Variants in ATF6 observed in about 807,000 individuals in gnomAD.
ATF6 encodes the protein cyclic AMP-dependent transcription factor ATF-6 alpha.
Under a neutral mutation model 83.6 loss-of-function variants are expected in ATF6, and 53 were observed. The ratio of observed to expected loss-of-function variants is 0.63; its 90% CI spans 0.51 to 0.80. The LOEUF (loss-of-function observed/expected upper bound fraction) is 0.80, where lower values mean the gene tolerates loss of function less well. Among genes scored for constraint, ATF6 ranks in the 30% least tolerant of loss-of-function variants. The pLI, the probability that ATF6 is intolerant of heterozygous loss-of-function variation, is 0.00. For synonymous variants in ATF6, 288 were observed against 285.8 expected, an observed-to-expected ratio of 1.01 and a Z score of -0.08; for missense variants, 744 against 797.9, an observed-to-expected ratio of 0.93 and a Z score of 0.81.
At chr1:161,947,911 G>A (rs1688784924) in intron 15 of ATF6, among the ~76,000 whole-genome samples, 1 of 125,014 alleles carries the variant, frequency 8.0e-6, no homozygotes, top group Non-Finnish European at 1.6e-5. Flanking sequence ...TACAACCTCT[G>A]CCTCCCAAGT....
intron 15 of ATF6, among the ~76,000 whole-genome samples, chr1:161,946,930 T>G (rs1210636898): frequency 2.0e-5 from 3 of 152,226 alleles, no homozygotes; most frequent in Non-Finnish European, 2.9e-5. Flanking sequence ...ATTTTATGGT[T>G]AATTCACTGT....
In ATF6 at chr1:161,959,858, C is replaced by T. The variant is rs1251015508; in HGVS notation, c.*1204C>T. ...GACAAAGCTTTCATTTTCATTCATT[C>T]TTCTATTGAAATTATACCAAATTCA... On this transcript the variant is annotated 3_prime_UTR_variant, in exon 16 of 16. Coordinates refer to ENST00000367942, the MANE Select transcript of ATF6 (RefSeq NM_007348.4). 6 of 152,072 alleles carry T rather than the reference C, an allele frequency of 3.9e-5. No homozygotes were observed. The allele number at this position is 152,072 out of a possible 1,614,324, so 9.4% of individuals were successfully genotyped here. A position where few individuals can be genotyped will look rare whatever the true frequency, so the allele number is the denominator to read the frequency against.
chr1:161,802,275 A>G lies in ATF6; in HGVS notation c.909+3A>G, dbSNP rs1443503272. ...CCATGAGAAATGTCGGTTCAGATGT[A>G]AGTTTTGAAACTTAGTGCTTCTCTT... On this transcript the variant is annotated splice_donor_region_variant and intron_variant, in intron 7 of 15. Coordinates refer to ENST00000367942, the MANE Select transcript of ATF6 (RefSeq NM_007348.4). The G allele has an allele frequency of 9.9e-6, 16 of 1,612,874 alleles. No individual in the cohort carries two copies. The highest frequency in any genetic ancestry group is 1.4e-5 in the Non-Finnish European group (16 of 1,179,142).
intron 1 of ATF6, among the ~76,000 whole-genome samples, chr1:161,769,732 A>G (rs1684341387): frequency 6.6e-6 from 1 of 151,980 alleles, no homozygotes; most frequent in Non-Finnish European, 1.5e-5. Context: ...TTAGATCATC[A>G]GGCGTTAGAT....
intron 9 of ATF6, among the ~76,000 whole-genome samples, chr1:161,824,063 C>T (rs540732165): frequency 1.3e-5 from 2 of 152,250 alleles, no homozygotes; most frequent in African/African-American, 2.4e-5. Context: ...AGACTGTATC[C>T]GTTTACATTC....
chr1:161,926,233 G>A (rs1323053180), intron 15 of ATF6, among the ~76,000 whole-genome samples: 1 of 152,188 alleles, frequency 6.6e-6, no homozygotes, highest in Non-Finnish European at 1.5e-5. Context: ...TTTAAAAAAG[G>A]ATTCTTTCTG....
intron 14 of ATF6, among the ~76,000 whole-genome samples, chr1:161,905,840 GT>G (rs534952923): frequency 6.7e-6 from 1 of 149,566 alleles, no homozygotes; most frequent in African/African-American, 2.5e-5. Flanking sequence ...TTTGTTTTTT[GT>G]TTTTTTTTGA....
intron 15 of ATF6, among the ~76,000 whole-genome samples, chr1:161,914,279 A>G (rs1688047339): frequency 6.6e-6 from 1 of 152,138 alleles, no homozygotes; most frequent in Non-Finnish European, 1.5e-5. Flanking sequence ...TGTACCTCAA[A>G]GTCTGCAGCA....
intron 14 of ATF6, among the ~76,000 whole-genome samples, chr1:161,901,190 G>T (rs890480943): frequency 6.6e-6 from 1 of 151,818 alleles, no homozygotes; most frequent in African/African-American, 2.4e-5. Flanking sequence ...TTAGATTTGG[G>T]GTAGATGTGC....
Position 161,853,244 on chromosome 1 carries a change from G to T in ATF6, c.1454G>T (p.Gly485Val). ...TATAGGTTAAATCATGAACTTCGAG[G>T]ATGGGTTCATAGACATGAAGTAGAA... ...ESLRLNHELR[G>V]WVHRHEVERT... Residue 485 changes from glycine (G) to valine (V), a missense_variant, in exon 12 of 16, where the codon GGA becomes GTA. By Grantham distance (109) the Gly-to-Val change is moderately radical (BLOSUM62 -3). Transcript: ENST00000367942. 1 of 1,610,412 alleles carries T rather than the reference G, an allele frequency of 6.2e-7. No individual in the cohort carries two copies. The highest frequency in any genetic ancestry group is 8.5e-7 in the Non-Finnish European group (1 of 1,177,064).
intron 10 of ATF6, 133 bp downstream of exon 10, chr1:161,846,713 A>G: frequency 1.2e-6 from 1 of 845,944 alleles, no homozygotes; most frequent in South Asian, 3.5e-5. Flanking sequence ...AATTACTGAA[A>G]CCATTAATAC....
At chr1:161,947,388 G>T (rs187486852) in intron 15 of ATF6, among the ~76,000 whole-genome samples, 1 of 152,342 alleles carries the variant, frequency 6.6e-6, no homozygotes, top group East Asian at 1.9e-4. Flanking sequence ...GATAACAAGG[G>T]TGGAGGATTT....
intron 10 of ATF6, among the ~76,000 whole-genome samples, chr1:161,850,590 A>C (rs1202425833): frequency 6.6e-6 from 1 of 152,124 alleles, no homozygotes; most frequent in East Asian, 1.9e-4. Context: ...TTCCCCATTA[A>C]GGTCTTTGGG....
At chr1:161,940,581 CAG>C (rs1412647436) in intron 15 of ATF6, among the ~76,000 whole-genome samples, 1 of 27,490 alleles carries the variant, frequency 3.6e-5, no homozygotes, top group Non-Finnish European at 1.7e-4. Flanking sequence ...TTTTTTGAGA[CAG>C]AGTCTTGCTC....
intron 14 of ATF6, among the ~76,000 whole-genome samples, chr1:161,900,499 T>G (rs1687761541): frequency 6.6e-6 from 1 of 152,158 alleles, no homozygotes. Flanking sequence ...ATATAATCTT[T>G]TGCATTTAAA....
At position 161,778,276 on chromosome 1, in the gene ATF6, A is replaced by G; in HGVS notation, c.115A>G (p.Thr39Ala). 1 of 1,613,702 alleles carries G rather than the reference A, an allele frequency of 6.2e-7. No homozygotes were observed. Among genetic ancestry groups the G allele is most frequent in the Non-Finnish European group, 8.5e-7 (1 of 1,179,806 alleles). ...SALFAELGYF[T>A]DTDELQLEAA... ...TCTCTTTGCTGAACTCGGTTATTTC[A>G]CAGACACTGATGAGCTGCAATTGGA... Residue 39 changes from threonine (T) to alanine (A), a missense_variant, in exon 2 of 16, where the codon ACA becomes GCA. By Grantham distance (58) the Thr-to-Ala change is moderately conservative. Coordinates refer to ENST00000367942, the MANE Select transcript of ATF6 (RefSeq NM_007348.4).
chr1:161,940,647 C>T (rs1450315309), intron 15 of ATF6, among the ~76,000 whole-genome samples: 1 of 151,856 alleles, frequency 6.6e-6, no homozygotes, highest in Non-Finnish European at 1.5e-5. Context: ...CAACCTCCGC[C>T]TCCCGGGTTC....
intron 3 of ATF6, among the ~76,000 whole-genome samples, chr1:161,782,265 A>C (rs189503932): frequency 6.6e-6 from 1 of 152,366 alleles, no homozygotes; most frequent in African/African-American, 2.4e-5. Flanking sequence ...ATTATGAATA[A>C]TGTCTCTGTA....
intron 6 of ATF6, among the ~76,000 whole-genome samples, chr1:161,798,441 A>G (rs143207549): frequency 0.011 from 1,712 of 152,240 alleles, 30 homozygotes; most frequent in African/African-American, 0.039. Context: ...GTGAAACCCC[A>G]TCTCTACTAA....
Sources: allele counts gnomAD v4.1 joint callset (sites outside exome capture counted in the v4.1 genomes callset), GRCh38; gene constraint gnomAD v4.1.1; transcripts MANE v1.5; gene names NCBI Gene and HGNC (gene_info 2026-07-23, HGNC 2026-07-21).